The following INTS14 variants were observed in gnomAD, a reference collection of about 807,000 sequenced individuals.
INTS14 encodes UPF0464 protein C15orf44.
INTS14 carries 27 observed loss-of-function variants against 56.9 expected under a neutral mutation model. The ratio of observed to expected loss-of-function variants is 0.47; its 90% CI spans 0.35 to 0.65. INTS14 has a LOEUF of 0.65. Among genes scored for constraint, INTS14 ranks in the 30% least tolerant of loss-of-function variants. The pLI is 0.00. For missense variants in INTS14, 517 were observed against 632.2 expected (o/e 0.82, Z 1.95); for synonymous variants, 207 against 236.2 (o/e 0.88, Z 1.13).
chr15:65,595,189 A>G (rs1448693849), intron 7 of INTS14, among the ~76,000 whole-genome samples: 1 of 152,232 alleles, frequency 6.6e-6, no homozygotes, highest in Non-Finnish European at 1.5e-5. Context: ...GTTAGAGTCT[A>G]GCATTCTCCA....
At chr15:65,597,803 A>G (rs1047755306) in intron 6 of INTS14, among the ~76,000 whole-genome samples, 2 of 152,224 alleles carry the variant, frequency 1.3e-5, no homozygotes, top group Admixed American at 6.5e-5. Context: ...CAAAGATTTC[A>G]ATGCTAGTGA....
At chr15:65,608,356 C>T (rs1298840885) in intron 1 of INTS14, among the ~76,000 whole-genome samples, 1 of 126,676 alleles carries the variant, frequency 7.9e-6, no homozygotes, top group African/African-American at 3.2e-5. Context: ...CAGACGAAGG[C>T]TCCATCTCAA....
Position 65,593,511 on chromosome 15 carries a change from C to T in INTS14, c.903G>A (p.Gln301=). The T allele has an allele frequency of 6.2e-7, 1 of 1,613,880 alleles. No homozygotes were observed. Among genetic ancestry groups the T allele is most frequent in the East Asian group, 2.2e-5 (1 of 44,872 alleles). ...DDNEDENSAN[Q]IAGKIPNFCV... ...AAAAGTTGGGTATTTTGCCTGCAAT[C>T]TGATTGGCTGAATTTTCATCTTCAT... The change falls in exon 8 of 12, where the codon CAG becomes CAA. Residue 301 remains glutamine (Q), a synonymous_variant. Transcript: ENST00000313182.
chr15:65,606,035 C>T (rs1266865078), intron 2 of INTS14, among the ~76,000 whole-genome samples: 2 of 151,546 alleles, frequency 1.3e-5, no homozygotes, highest in East Asian at 3.9e-4. Flanking sequence ...GCGGGCGGAT[C>T]ATGAGGTCAG....
chr15:65,598,031 C>T (rs1369593155), intron 6 of INTS14, among the ~76,000 whole-genome samples: 1 of 152,186 alleles, frequency 6.6e-6, no homozygotes, highest in East Asian at 1.9e-4. Flanking sequence ...ACAACTATTA[C>T]ACATGCACGA....
At chr15:65,608,684 G>A (rs1257715040) in intron 1 of INTS14, among the ~76,000 whole-genome samples, 1 of 152,122 alleles carries the variant, frequency 6.6e-6, no homozygotes, top group African/African-American at 2.4e-5. Context: ...AGAAAAGCAG[G>A]CCCCAGAACT....
chr15:65,586,206 A>G, intron 9 of INTS14, among the ~76,000 whole-genome samples: 1 of 152,234 alleles, frequency 6.6e-6, no homozygotes, highest in East Asian at 1.9e-4. Flanking sequence ...AAGAATATTT[A>G]TTAAGTTCCA....
chr15:65,581,843 C>T (rs904000757), intron 11 of INTS14, 111 bp downstream of exon 11: 1 of 1,082,760 alleles, frequency 9.2e-7, no homozygotes, highest in Non-Finnish European at 1.4e-6. Context: ...TTTGAAAAAA[C>T]TGAGGCACAA....
At position 65,599,842 on chromosome 15, in the gene INTS14, T is replaced by A; in HGVS notation, c.418A>T (p.Asn140Tyr). 2 of 1,614,256 alleles carry A rather than the reference T, an allele frequency of 1.2e-6. No individual in the cohort carries two copies. Among genetic ancestry groups the A allele is most frequent in the Non-Finnish European group, 1.7e-6 (2 of 1,180,038 alleles). Residue 140 changes from asparagine (N) to tyrosine (Y), a missense_variant, in exon 4 of 12, where the codon AAC becomes TAC. Transcript: ENST00000313182. ...LATQNQRSES[N>Y]RFPLPFPFPS... The stretch of plus-strand genomic sequence containing the variant: ...AAAGGAAAAGGTAGTGGAAACCTGT[T>A]GCTCTCACTTCGTTGATTTTGAGTG...
At chr15:65,600,096 G>C (rs933980764) in intron 3 of INTS14, among the ~76,000 whole-genome samples, 167 bp from the exon 4 acceptor site, 1 of 151,584 alleles carries the variant, frequency 6.6e-6, no homozygotes, top group African/African-American at 2.4e-5. Context: ...CTTAAGCCTA[G>C]GAGTTTGAGA....
At chr15:65,607,558 G>C in intron 1 of INTS14, 116 bp from the exon 2 acceptor site, 1 of 1,199,786 alleles carries the variant, frequency 8.3e-7, no homozygotes, top group Non-Finnish European at 1.1e-6. Context: ...GTTGAGGTGA[G>C]GAATAATCTG....
At chr15:65,603,169 T>A (rs1346251803) in intron 3 of INTS14, among the ~76,000 whole-genome samples, 1 of 152,214 alleles carries the variant, frequency 6.6e-6, no homozygotes, top group African/African-American at 2.4e-5. Context: ...AAAGCTTTTT[T>A]ATTTCAGAAA....
rs779138657 is a variant in INTS14 at position 65,593,569 on chromosome 15, C to T, written c.845G>A (p.Gly282Asp). 1.9e-6 allele frequency: 3 copies of T among 1,605,466 alleles called. No homozygotes were observed. The highest frequency in any genetic ancestry group is 2.5e-6 in the Non-Finnish European group (3 of 1,177,426). Reference sequence around the variant, plus strand: ...AGTGATGCCAGTACCCACCTCATCACCTTCTGTGAAAAAAAGAGAAAACAG... The same window carrying T: ...AGTGATGCCAGTACCCACCTCATCATCTTCTGTGAAAAAAAGAGAAAACAG... ...LVLPIALNKEGDEVGTGITDD... is the reference protein window; with the variant it reads ...LVLPIALNKEDDEVGTGITDD... Residue 282 changes from glycine to aspartate, a missense_variant, in exon 8 of 12, where the codon GGT (glycine) becomes GAT (aspartate). Gly to Asp is a moderately conservative substitution (Grantham distance 94). Transcript: ENST00000313182.
chr15:65,604,987 CCTTCA>C (rs2073592247), intron 3 of INTS14, 137 bp downstream of exon 3: 2 of 653,698 alleles, frequency 3.1e-6, no homozygotes, highest in Non-Finnish European at 5.4e-6. Flanking sequence ...TGATTTAGTA[CCTTCA>C]CTTAAGAAGA....
Position 65,579,679 on chromosome 15 carries a change from C to G in INTS14, c.1306-20G>C. 6.2e-7 allele frequency: 1 copy of G among 1,605,570 alleles called. No homozygotes were observed. The highest frequency in any genetic ancestry group is 8.5e-7 in the Non-Finnish European group (1 of 1,173,618). On this transcript the variant is annotated intron_variant, in intron 11 of 11. Transcript: ENST00000313182. ...CAGCTCCTGAAACAAGACAGAAAATCACCAATGCTCCTGAAATGTGTTCCT... is the reference window on the plus strand; with the variant it reads ...CAGCTCCTGAAACAAGACAGAAAATGACCAATGCTCCTGAAATGTGTTCCT...
In INTS14 at chr15:65,584,856, T is replaced by G; in HGVS notation, c.1153A>C (p.Asn385His). ...GGCTGCAGGGGGAATGGACTCTTAT[T>G]GTCATCCTCGCCATAAGGGTTTTCT... Reference protein sequence around the residue: ...AKENPYGEDDNKSPFPLQPKN... With the variant: ...AKENPYGEDDHKSPFPLQPKN... The change falls in exon 10 of 12, where the codon AAT (asparagine) becomes CAT (histidine). Residue 385 changes from asparagine (N) to histidine (H), a missense_variant. Transcript: ENST00000313182. 2 of 1,613,474 alleles carry G rather than the reference T, an allele frequency of 1.2e-6. No individual in the cohort carries two copies. Among genetic ancestry groups the G allele is most frequent in the South Asian group, 2.2e-5 (2 of 90,952 alleles).
At chr15:65,592,359 T>G (rs893663804) in intron 8 of INTS14, among the ~76,000 whole-genome samples, 7 of 152,216 alleles carry the variant, frequency 4.6e-5, no homozygotes, top group African/African-American at 7.2e-5. Flanking sequence ...CAACCCCAGG[T>G]AGTGGCCAGA....
chr15:65,594,065 C>T (rs1483648346), intron 7 of INTS14, among the ~76,000 whole-genome samples: 5 of 152,158 alleles, frequency 3.3e-5, no homozygotes, highest in African/African-American at 1.2e-4. Context: ...TAGTTAGATG[C>T]TATCTGGAAG....
chr15:65,608,249 T>C (rs1387037666), intron 1 of INTS14, among the ~76,000 whole-genome samples: 1 of 150,312 alleles, frequency 6.7e-6, no homozygotes, highest in East Asian at 2.0e-4. Context: ...GGTGGCTACT[T>C]GGGAGGCTGA....
Sources: allele counts gnomAD v4.1 joint callset (sites outside exome capture counted in the v4.1 genomes callset), GRCh38; gene constraint gnomAD v4.1.1; transcripts MANE v1.5; gene names NCBI Gene and HGNC (gene_info 2026-07-23, HGNC 2026-07-21).